The following MXI1 variants were observed in gnomAD, a reference collection of about 807,000 sequenced individuals.
MXI1 encodes the protein max-interacting protein 1.
In MXI1, 18 loss-of-function variants were observed where a neutral mutation model predicts 36.9. The observed-to-expected ratio is 0.49, with a 90% CI of 0.34 to 0.72. The LOEUF (loss-of-function observed/expected upper bound fraction) is 0.72. Among genes scored for constraint, MXI1 ranks in the 30% least tolerant of loss-of-function variants. The probability of loss-of-function intolerance (pLI) is 0.01; values close to 1 mark genes in which losing one functional copy is unlikely to be tolerated. For missense variants in MXI1, 304 were observed against 379.1 expected, an observed-to-expected ratio of 0.80 and a Z score of 1.64; for synonymous variants, 160 against 146.7, an observed-to-expected ratio of 1.09 and a Z score of -0.65.
intron 3 of MXI1, among the ~76,000 whole-genome samples, chr10:110,263,636 T>G (rs1051223596): frequency 3.3e-5 from 5 of 152,214 alleles, no homozygotes; most frequent in African/African-American, 1.2e-4. Flanking sequence ...ATCTGGCCCT[T>G]GAGGTGTTGT....
rs1857435701 is a variant in MXI1 at position 110,286,854 on chromosome 10, G to A, written c.*1867G>A. 6.6e-6 allele frequency: 1 copy of A among 152,328 alleles called. No homozygotes were observed. The allele number at this position is 152,328 out of a possible 1,614,324, so 9.4% of individuals were successfully genotyped here. On this transcript the variant is annotated 3_prime_UTR_variant, in exon 6 of 6. Transcript: ENST00000332674. ...GTGAGTGAAAAACTGCATGCCTTTA[G>A]AAGCCCAGTATCAGAACTTGCTACG... is the stretch of plus-strand genomic sequence containing the variant.
chr10:110,279,879 T>C, intron 4 of MXI1, 35 bp from the exon 5 acceptor site: 1 of 1,555,414 alleles, frequency 6.4e-7, no homozygotes, highest in South Asian at 1.2e-5. Flanking sequence ...TGTACTGGAC[T>C]ATACACAAAT....
intron 3 of MXI1, among the ~76,000 whole-genome samples, chr10:110,256,357 A>C (rs1196561349): frequency 6.6e-6 from 1 of 151,916 alleles, no homozygotes; most frequent in African/African-American, 2.4e-5. Flanking sequence ...TAATCCCAGC[A>C]CTTTGGGAGG....
intron 3 of MXI1, among the ~76,000 whole-genome samples, chr10:110,274,033 T>G (rs1040860653): frequency 6.6e-6 from 1 of 152,240 alleles, no homozygotes; most frequent in Non-Finnish European, 1.5e-5. Flanking sequence ...ATAGTTGATA[T>G]ACCTGTGCTT....
chr10:110,254,135 T>C (rs544366163), intron 3 of MXI1, among the ~76,000 whole-genome samples: 3 of 152,260 alleles, frequency 2.0e-5, no homozygotes, highest in South Asian at 4.1e-4. Flanking sequence ...TTTTTAGCAA[T>C]TGAAGGTTTG....
chr10:110,266,965 A>G (rs914999222), intron 3 of MXI1, among the ~76,000 whole-genome samples: 1 of 152,222 alleles, frequency 6.6e-6, no homozygotes, highest in Non-Finnish European at 1.5e-5. Context: ...TTATTTTCTG[A>G]TACTTTTATC....
At chr10:110,271,840 A>G (rs1856863641) in intron 3 of MXI1, among the ~76,000 whole-genome samples, 2 of 152,170 alleles carry the variant, frequency 1.3e-5, no homozygotes, top group South Asian at 2.1e-4. Context: ...TGTTCTTCAT[A>G]TTTCTGAGTT....
chr10:110,218,007 C>T (rs1854697029), intron 1 of MXI1, among the ~76,000 whole-genome samples: 2 of 152,154 alleles, frequency 1.3e-5, no homozygotes, highest in African/African-American at 4.8e-5. Context: ...ATGAGGAAAG[C>T]CTTAGCTTTA....
At chr10:110,261,568 A>G (rs1229383622) in intron 3 of MXI1, among the ~76,000 whole-genome samples, 11 of 151,854 alleles carry the variant, frequency 7.2e-5, no homozygotes, top group African/African-American at 2.4e-5. Flanking sequence ...GATCTTTAAG[A>G]TTTCTTCTAG....
intron 1 of MXI1, among the ~76,000 whole-genome samples, chr10:110,208,890 A>T (rs1409123245): frequency 6.6e-6 from 1 of 152,192 alleles, no homozygotes; most frequent in Non-Finnish European, 1.5e-5. Context: ...TTGGGGAAGA[A>T]GGTGTGGGCT....
intron 2 of MXI1, among the ~76,000 whole-genome samples, chr10:110,244,410 C>A (rs1269942867): frequency 6.6e-6 from 1 of 151,646 alleles, no homozygotes; most frequent in East Asian, 1.9e-4. Flanking sequence ...ACTTTTTTTT[C>A]TCTGTTTAGA....
At position 110,244,823 on chromosome 10, in the gene MXI1, T is replaced by C. The variant is rs199515902; in HGVS notation, c.408-5T>C. The stretch of plus-strand genomic sequence containing the variant: ...CTAATGCTTTTTTTTTTTTTTGTCT[T>C]TTAGATCTACACACAATGAGCTGGA... On this transcript the variant is annotated splice_polypyrimidine_tract_variant and splice_region_variant and intron_variant, in intron 2 of 5. Coordinates refer to ENST00000332674, the MANE Select transcript of MXI1 (RefSeq NM_130439.3). 9.5e-4 allele frequency: 1,470 copies of C among 1,548,908 alleles called. No individual in the cohort carries two copies. Among genetic ancestry groups the C allele is most frequent in the Non-Finnish European group, 1.2e-3 (1,335 of 1,149,182 alleles).
intron 1 of MXI1, chr10:110,227,385 A>G: frequency 1.0e-5 from 10 of 982,800 alleles, no homozygotes; most frequent in Non-Finnish European, 1.2e-5. Flanking sequence ...GAGGTCGCGC[A>G]GGTGCTGGGG....
chr10:110,231,020 G>A lies in MXI1; in HGVS notation c.407+2699G>A, dbSNP rs148146731. On this transcript the variant is annotated intron_variant, in intron 2 of 5. Transcript: ENST00000332674. Reference sequence around the variant, plus strand: ...CGTAGCATCTTTAAGATATAATGGTGATTGACTATTTTACCCCTGATATTC... The same window carrying A: ...CGTAGCATCTTTAAGATATAATGGTAATTGACTATTTTACCCCTGATATTC... 9.1e-4 allele frequency among the ~76,000 whole-genome samples: 139 copies of A among 152,288 alleles called. 2 individuals carry two copies. In the East Asian group the frequency reaches 0.022, roughly 24 times the overall value.
intron 2 of MXI1, among the ~76,000 whole-genome samples, chr10:110,234,291 TC>T (rs1437982805): frequency 2.0e-5 from 3 of 152,174 alleles, no homozygotes; most frequent in Non-Finnish European, 4.4e-5. Flanking sequence ...TAGATACTAA[TC>T]TAATCAAAGA....
chr10:110,285,855 G>A lies in MXI1; in HGVS notation c.*868G>A, dbSNP rs1857415894. The A allele has an allele frequency of 6.6e-6, 1 of 152,470 alleles. No homozygotes were observed. Among genetic ancestry groups the A allele is most frequent in the African/African-American group, 2.4e-5 (1 of 41,382 alleles). The allele number at this position is 152,470 out of a possible 1,614,324, so 9.4% of individuals were successfully genotyped here. On this transcript the variant is annotated 3_prime_UTR_variant, in exon 6 of 6. Coordinates refer to ENST00000332674, the MANE Select transcript of MXI1 (RefSeq NM_130439.3). ...TTGTGCACGCAGATTAGCAGGCCAA[G>A]GTCTGAGCCACAGCAGCATTTTTAT...
chr10:110,251,045 T>A (rs1856066936), intron 3 of MXI1, among the ~76,000 whole-genome samples: 1 of 124,850 alleles, frequency 8.0e-6, no homozygotes, highest in Non-Finnish European at 1.6e-5. Flanking sequence ...AAGAGAAGGA[T>A]GTCTAGTGAG....
chr10:110,253,976 C>T (rs918566162), intron 3 of MXI1, among the ~76,000 whole-genome samples: 3 of 151,766 alleles, frequency 2.0e-5, no homozygotes, highest in Admixed American at 6.6e-5. Flanking sequence ...CAACATTGTA[C>T]TGGAGCTTCT....
intron 2 of MXI1, among the ~76,000 whole-genome samples, chr10:110,230,551 T>C (rs1474828410): frequency 6.6e-6 from 1 of 152,118 alleles, no homozygotes; most frequent in Non-Finnish European, 1.5e-5. Flanking sequence ...TCCACCAATG[T>C]GTGGGTTTTG....
Sources: gnomAD v4.1 joint callset for allele counts (sites outside exome capture counted in the v4.1 genomes callset) on GRCh38, gnomAD v4.1.1 for gene constraint, MANE v1.5 for transcripts, NCBI Gene and HGNC (gene_info 2026-07-23, HGNC 2026-07-21) for gene names.